The following RIC1 variants were observed in gnomAD, a reference collection of about 807,000 sequenced individuals.
RIC1 encodes RIC1 partner of RAB6A GEF complex, also known as guanine nucleotide exchange factor subunit RIC1.
In RIC1, 88 loss-of-function variants were observed where a neutral mutation model predicts 169.0. That is an observed-to-expected ratio of 0.52 (90% CI 0.44 to 0.62). The LOEUF (loss-of-function observed/expected upper bound fraction) is 0.62, where lower values mean the gene tolerates loss of function less well. Ranked by LOEUF, RIC1 falls within the 20% of genes least tolerant of loss-of-function variation. The pLI is 0.00. For synonymous variants in RIC1, 790 were observed against 601.5 expected, an observed-to-expected ratio of 1.31 and a Z score of -4.59; for missense variants, 1,877 against 1,725.5, an observed-to-expected ratio of 1.09 and a Z score of -1.56.
At chr9:5,769,375 A>C (rs1427905502) in intron 22 of RIC1, 119 bp downstream of exon 22, 1 of 1,604,682 alleles carries the variant, frequency 6.2e-7, no homozygotes, top group African/African-American at 1.3e-5. Context: ...AGGAATGGAT[A>C]AAAGCCAACT....
chr9:5,760,057 A>T (rs1050013175), intron 17 of RIC1, among the ~76,000 whole-genome samples: 1 of 152,228 alleles, frequency 6.6e-6, no homozygotes, highest in Non-Finnish European at 1.5e-5. Context: ...ATTACCATAG[A>T]GGGAAGACAA....
At position 5,652,412 on chromosome 9, in the gene RIC1, A is replaced by G. The variant is rs73390693; in HGVS notation, c.145-4171A>G. ...CTGTTTCATAGTTTTCATTGTAGTGATCTTTTACTTCTTCAATTAAATTTT... is the reference window on the plus strand; with the variant it reads ...CTGTTTCATAGTTTTCATTGTAGTGGTCTTTTACTTCTTCAATTAAATTTT... On this transcript the variant is annotated intron_variant, in intron 1 of 25. Coordinates refer to ENST00000414202, the MANE Select transcript of RIC1 (RefSeq NM_020829.4). 5.5e-3 allele frequency among the ~76,000 whole-genome samples: 840 copies of G among 152,030 alleles called. 10 individuals are homozygous for G. Among genetic ancestry groups the G allele is most frequent in the African/African-American group, 0.019 (790 of 41,472 alleles).
intron 17 of RIC1, 54 bp from the exon 18 acceptor site, chr9:5,762,487 G>A (rs1002595402): frequency 2.0e-5 from 32 of 1,600,696 alleles, no homozygotes; most frequent in African/African-American, 5.4e-5. Context: ...GGGGAGATGC[G>A]GAAAGCATAC....
intron 2 of RIC1, among the ~76,000 whole-genome samples, chr9:5,676,304 A>G (rs1586925133): frequency 6.6e-6 from 1 of 152,198 alleles, no homozygotes; most frequent in East Asian, 1.9e-4. Flanking sequence ...AATGTATTCT[A>G]TAGTTTTTTA....
intron 8 of RIC1, among the ~76,000 whole-genome samples, chr9:5,742,595 G>A (rs56230550): frequency 0.089 from 13,493 of 151,654 alleles, 893 homozygotes; most frequent in East Asian, 0.27. Flanking sequence ...TTAAGATTAC[G>A]CAGTTATAAG....
intron 3 of RIC1, among the ~76,000 whole-genome samples, chr9:5,702,007 T>C (rs1202484105): frequency 1.3e-5 from 2 of 152,200 alleles, no homozygotes; most frequent in Non-Finnish European, 2.9e-5. Flanking sequence ...GGGACACTCA[T>C]CTTTACTCAT....
intron 1 of RIC1, among the ~76,000 whole-genome samples, chr9:5,653,819 A>G (rs1302802793): frequency 6.6e-6 from 1 of 151,886 alleles, no homozygotes; most frequent in Non-Finnish European, 1.5e-5. Flanking sequence ...GTTGGTCTCA[A>G]ACTTTTGACC....
At chr9:5,760,329 G>C (rs950736829) in intron 17 of RIC1, among the ~76,000 whole-genome samples, 2 of 152,262 alleles carry the variant, frequency 1.3e-5, no homozygotes, top group South Asian at 4.1e-4. Flanking sequence ...TGAGAGTGCT[G>C]TTGCAGTCAT....
intron 3 of RIC1, among the ~76,000 whole-genome samples, chr9:5,712,545 C>T (rs772719080): frequency 6.6e-6 from 1 of 152,168 alleles, no homozygotes; most frequent in Non-Finnish European, 1.5e-5. Context: ...ACAGACACTT[C>T]TCAAAAGAAG....
chr9:5,711,800 C>T (rs543402091), intron 3 of RIC1, among the ~76,000 whole-genome samples: 21 of 152,196 alleles, frequency 1.4e-4, no homozygotes, highest in African/African-American at 4.8e-4. Context: ...TGTTCAATTC[C>T]CACCTATGAG....
intron 2 of RIC1, among the ~76,000 whole-genome samples, chr9:5,673,253 C>T (rs1051366283): frequency 2.0e-5 from 3 of 151,622 alleles, no homozygotes; most frequent in Admixed American, 2.0e-4. Flanking sequence ...ACGAACAAGG[C>T]AACTTGCAGA....
intron 3 of RIC1, among the ~76,000 whole-genome samples, chr9:5,705,166 A>G (rs1822494613): frequency 7.2e-6 from 1 of 138,904 alleles, no homozygotes; most frequent in Non-Finnish European, 1.6e-5. Context: ...TTCTGTATGA[A>G]TTTTAGGATC....
chr9:5,690,144 C>T (rs1258921655), intron 3 of RIC1, 106 bp downstream of exon 3: 2 of 618,138 alleles, frequency 3.2e-6, no homozygotes, highest in Non-Finnish European at 5.2e-6. Flanking sequence ...AAAACTAAAC[C>T]AGCATTTCCC....
At chr9:5,675,769 A>G (rs1231947904) in intron 2 of RIC1, among the ~76,000 whole-genome samples, 1 of 152,238 alleles carries the variant, frequency 6.6e-6, no homozygotes, top group African/African-American at 2.4e-5. Context: ...CTAATGTACC[A>G]GTTGCTTAAA....
downstream of RIC1, among the ~76,000 whole-genome samples, chr9:5,777,601 A>T (rs1439562823): frequency 1.3e-5 from 2 of 152,092 alleles, no homozygotes; most frequent in East Asian, 1.9e-4. Context: ...AATATTTACG[A>T]CTAAGTTTTA....
intron 3 of RIC1, among the ~76,000 whole-genome samples, chr9:5,703,491 T>C (rs1320952084): frequency 6.6e-6 from 1 of 152,222 alleles, no homozygotes; most frequent in Non-Finnish European, 1.5e-5. Flanking sequence ...TCTCTTCTGC[T>C]CTCAGCCCCT....
At chr9:5,702,221 C>T (rs1381606144) in intron 3 of RIC1, among the ~76,000 whole-genome samples, 1 of 152,170 alleles carries the variant, frequency 6.6e-6, no homozygotes, top group Non-Finnish European at 1.5e-5. Flanking sequence ...AATATACTTT[C>T]AGTGTATTAT....
At chr9:5,745,887 C>T (rs1014294330) in intron 10 of RIC1, 44 bp from the exon 11 acceptor site, 3 of 1,560,144 alleles carry the variant, frequency 1.9e-6, no homozygotes, top group East Asian at 4.5e-5. Flanking sequence ...ATACAAAAGC[C>T]TTTTATTGCT....
At chr9:5,641,096 CTTT>C (rs34921771) in intron 1 of RIC1, among the ~76,000 whole-genome samples, 1 of 138,514 alleles carries the variant, frequency 7.2e-6, no homozygotes. Flanking sequence ...AGGTAGTCTT[CTTT>C]TTTTTTTTTT....
Sources: gnomAD v4.1 joint callset for allele counts (sites outside exome capture counted in the v4.1 genomes callset) on GRCh38, gnomAD v4.1.1 for gene constraint, MANE v1.5 for transcripts, NCBI Gene and HGNC (gene_info 2026-07-23, HGNC 2026-07-21) for gene names.